EPS15L1: variants seen among roughly 807,000 people sequenced by gnomAD.
EPS15L1 encodes epidermal growth factor receptor substrate 15-like 1.
In EPS15L1, 43 loss-of-function variants were observed where a neutral mutation model predicts 117.1. The ratio of observed to expected loss-of-function variants is 0.37; its 90% CI spans 0.29 to 0.47. The LOEUF is 0.47. EPS15L1 is among the 20% of genes least tolerant of loss of function. The pLI, the probability that EPS15L1 is intolerant of heterozygous loss-of-function variation, is 0.99. For missense variants in EPS15L1, 981 were observed against 1,164.0 expected (o/e 0.84, Z 2.29); for synonymous variants, 459 against 470.5 (o/e 0.98, Z 0.32).
intron 13 of EPS15L1, among the ~76,000 whole-genome samples, chr19:16,411,945 G>A (rs969085932): frequency 2.6e-5 from 4 of 152,056 alleles, no homozygotes; most frequent in Non-Finnish European, 4.4e-5. Context: ...GCGATCCTCC[G>A]GCCTCGGCCT....
Position 16,355,638 on chromosome 19 carries a change from T to C in EPS15L1, c.*67A>G, listed in dbSNP as rs1434816100. The C allele has an allele frequency of 1.0e-5, 15 of 1,496,772 alleles. No homozygotes were observed. The highest frequency in any genetic ancestry group is 1.3e-5 in the Non-Finnish European group (14 of 1,119,956). 92.7% of individuals were successfully genotyped at this position (1,496,772 alleles called of 1,614,324 possible). ...TGGCGACGGTGTGTGTGTGTATATA[T>C]AGACATCTGCACTGCCCCCTCTCTG... On this transcript the variant is annotated 3_prime_UTR_variant, in exon 24 of 24. Transcript: ENST00000455140.
chr19:16,431,337 T>C (rs1224067886), intron 7 of EPS15L1, among the ~76,000 whole-genome samples: 4 of 150,976 alleles, frequency 2.6e-5, no homozygotes, highest in African/African-American at 9.7e-5. Context: ...AGAGTCTCAC[T>C]CTGTCACCCA....
chr19:16,373,465 C>T (rs550629992), intron 22 of EPS15L1, among the ~76,000 whole-genome samples: 6 of 149,872 alleles, frequency 4.0e-5, no homozygotes, highest in African/African-American at 7.4e-5. Context: ...AGTTTGAAAA[C>T]GTTGGACTTT....
rs377417794 is a variant in EPS15L1 at position 16,385,109 on chromosome 19, G to A, written c.2247+20C>T. 4.4e-6 allele frequency: 7 copies of A among 1,603,524 alleles called. No homozygotes were observed. The Admixed American group carries it at 6.7e-5, about 15-fold the overall frequency. On this transcript the variant is annotated intron_variant, in intron 21 of 23. Transcript: ENST00000455140. ...CAAAGACACTAGCAGAGGCGCGGGG[G>A]CTCCGTGGAGGGGCTTTACCTTGGA...
At chr19:16,395,585 AT>A in intron 16 of EPS15L1, 118 bp from the exon 17 acceptor site, 2 of 1,124,258 alleles carry the variant, frequency 1.8e-6, no homozygotes, top group Non-Finnish European at 1.3e-6. Context: ...AAAAAGAATG[AT>A]TTAGCCAGGA....
intron 16 of EPS15L1, among the ~76,000 whole-genome samples, chr19:16,396,228 G>T (rs950066962): frequency 8.5e-5 from 13 of 152,222 alleles, no homozygotes; most frequent in African/African-American, 3.1e-4. Flanking sequence ...AGGAGGAACT[G>T]GGTGTGGGAT....
intron 8 of EPS15L1, among the ~76,000 whole-genome samples, chr19:16,426,748 ATGTAACACACAGGACTGGGTTCTCT>A (rs1476716187): frequency 2.6e-5 from 4 of 152,230 alleles, no homozygotes; most frequent in African/African-American, 4.8e-5. Context: ...AGACAACAGG[ATGTAACACACAGGACTGGGTTCTCT>A]TTAGACACAA....
intron 1 of EPS15L1, among the ~76,000 whole-genome samples, chr19:16,443,269 A>G (rs1445996338): frequency 2.0e-5 from 3 of 152,228 alleles, no homozygotes; most frequent in Admixed American, 6.5e-5. Context: ...TTTATCCAAC[A>G]AATTCTGGGA....
chr19:16,413,144 C>T, intron 13 of EPS15L1: 3 of 666,314 alleles, frequency 4.5e-6, no homozygotes, highest in Non-Finnish European at 8.3e-6. Flanking sequence ...CGGCCACTGC[C>T]ATCCGCAGGG....
intron 1 of EPS15L1, among the ~76,000 whole-genome samples, chr19:16,467,489 T>C (rs2093315433): frequency 1.3e-5 from 2 of 151,380 alleles, no homozygotes; most frequent in Non-Finnish European, 2.9e-5. Context: ...GGTGGAGGGG[T>C]CTTGCCCAGG....
intron 1 of EPS15L1, among the ~76,000 whole-genome samples, chr19:16,445,450 C>T (rs2093074013): frequency 6.6e-6 from 1 of 152,164 alleles, no homozygotes; most frequent in African/African-American, 2.4e-5. Flanking sequence ...TTTGCATATG[C>T]AAAAGCAGAA....
intron 22 of EPS15L1, among the ~76,000 whole-genome samples, chr19:16,376,548 G>C (rs555799152): frequency 1.3e-5 from 2 of 152,292 alleles, no homozygotes; most frequent in Admixed American, 6.5e-5. Flanking sequence ...GGGCAAGCTG[G>C]GGCAGAGGGG....
At chr19:16,421,185 G>C in intron 10 of EPS15L1, 134 bp downstream of exon 10, 1 of 1,005,098 alleles carries the variant, frequency 9.9e-7, no homozygotes, top group African/African-American at 1.6e-5. Context: ...AGGCCAGGGA[G>C]AATAAAGGAC....
intron 8 of EPS15L1, among the ~76,000 whole-genome samples, chr19:16,426,662 A>G (rs2092876256): frequency 6.6e-6 from 1 of 152,134 alleles, no homozygotes; most frequent in African/African-American, 2.4e-5. Flanking sequence ...CGACAACAAA[A>G]AAACAAAAAG....
chr19:16,424,905 C>A (rs1370504989), intron 9 of EPS15L1, among the ~76,000 whole-genome samples, 178 bp downstream of exon 9: 1 of 152,096 alleles, frequency 6.6e-6, no homozygotes, highest in African/African-American at 2.4e-5. Flanking sequence ...TTGAGATCTG[C>A]CCACCTCGGC....
intron 1 of EPS15L1, among the ~76,000 whole-genome samples, chr19:16,446,123 T>C (rs1245804174): frequency 6.6e-6 from 1 of 152,192 alleles, no homozygotes; most frequent in African/African-American, 2.4e-5. Flanking sequence ...CAAGTTCACA[T>C]CCTTCTGCTC....
chr19:16,462,466 G>A (rs190920719), intron 1 of EPS15L1, among the ~76,000 whole-genome samples: 28 of 152,262 alleles, frequency 1.8e-4, no homozygotes, highest in African/African-American at 6.5e-4. Flanking sequence ...TTCGAGACCA[G>A]CCTGGCCAAC....
rs2092366347 is a variant in EPS15L1, at chr19:16,381,842, C to T, written c.2247+3287G>A. On this transcript the variant is annotated intron_variant, in intron 21 of 23. Coordinates refer to ENST00000455140, the MANE Select transcript of EPS15L1 (RefSeq NM_001258374.3). The surrounding 1 kb of genome is among the most constrained non-coding windows in gnomAD (Gnocchi z 4.2). ...GCCTAGGGCCCGTGCGAGTCCCCCG[C>T]GGCCTGGGATGGGGAGCCAAGCAGG... Among the ~76,000 whole-genome samples, 1 of 152,214 alleles carries T rather than the reference C, an allele frequency of 6.6e-6. No homozygotes were observed.
intron 1 of EPS15L1, among the ~76,000 whole-genome samples, chr19:16,449,841 A>C (rs1033660864): frequency 1.3e-5 from 2 of 152,204 alleles, no homozygotes; most frequent in African/African-American, 4.8e-5. Context: ...CAGCTGACAC[A>C]TATGCAATAA....
Sources: gnomAD v4.1 joint callset for allele counts (sites outside exome capture counted in the v4.1 genomes callset) on GRCh38, gnomAD v4.1.1 for gene constraint, Gnocchi (gnomAD v3.1) non-coding constraint, MANE v1.5 for transcripts, NCBI Gene and HGNC (gene_info 2026-07-23, HGNC 2026-07-21) for gene names.